The following KLC1 variants were observed in gnomAD, a reference collection of about 807,000 sequenced individuals.
KLC1 encodes the protein kinesin light chain 1, also known as kinesin 2 60/70kDa.
Under a neutral mutation model 84.2 loss-of-function variants are expected in KLC1, and 30 were observed. That is an observed-to-expected ratio of 0.36 (90% CI 0.27 to 0.48). The LOEUF (loss-of-function observed/expected upper bound fraction) is 0.48, where lower values mean the gene tolerates loss of function less well. Ranked by LOEUF, KLC1 falls within the 20% of genes least tolerant of loss-of-function variation. The pLI is 0.99. For missense variants in KLC1, 499 were observed against 805.4 expected (o/e 0.62, Z 4.60); for synonymous variants, 289 against 293.3 (o/e 0.99, Z 0.15).
intron 1 of KLC1, among the ~76,000 whole-genome samples, chr14:103,640,607 G>T (rs1444671515): frequency 6.6e-6 from 1 of 151,706 alleles, no homozygotes; most frequent in Admixed American, 6.6e-5. Flanking sequence ...TGATCTGCCC[G>T]CCTCGGCCTC....
At chr14:103,695,975 G>A in intron 15 of KLC1, 1 of 985,442 alleles carries the variant, frequency 1.0e-6, no homozygotes, top group Non-Finnish European at 1.2e-6. Context: ...TCCCTTCAGA[G>A]GAGAGAAGTG....
At chr14:103,679,758 GCTTAA>G (rs1335505817) in intron 13 of KLC1, 32 of 520,236 alleles carry the variant, frequency 6.2e-5, no homozygotes, top group African/African-American at 6.1e-4. Flanking sequence ...AAGCTGTTTG[GCTTAA>G]CTTTGAGCAC....
Position 103,695,591 on chromosome 14 carries a change from G to C in KLC1, c.1848+3166G>C, listed in dbSNP as rs1254067042. On this transcript the variant is annotated intron_variant, in intron 15 of 16. Coordinates refer to ENST00000334553, the MANE Select transcript of KLC1 (RefSeq NM_001394837.1). ...TTTGGAACCCAGACAGTTTCCCTTA[G>C]TGACAGTTATCTGGAAAGGAAAAAG... 16 of 985,236 alleles carry C rather than the reference G, an allele frequency of 1.6e-5. No homozygotes were observed. The Admixed American group carries it at 9.8e-4, about 61-fold the overall frequency. The allele number at this position is 985,236 out of a possible 1,614,324, so 61.0% of individuals were successfully genotyped here. A position where few individuals can be genotyped will look rare whatever the true frequency, so the allele number is the denominator to read the frequency against.
At chr14:103,636,757 C>G (rs906021379) in intron 1 of KLC1, among the ~76,000 whole-genome samples, 1 of 150,508 alleles carries the variant, frequency 6.6e-6, no homozygotes, top group Non-Finnish European at 1.5e-5. Flanking sequence ...GGAGTCTCCT[C>G]TGTTGCCCAG....
At position 103,701,355 on chromosome 14, in the gene KLC1, C is replaced by G; in HGVS notation, c.*156C>G. Reference sequence around the variant, plus strand: ...TGTGCATAGGACATGATACTAATAACCACACGGCTGGCGTGACCTTGGGGC... The same window carrying G: ...TGTGCATAGGACATGATACTAATAAGCACACGGCTGGCGTGACCTTGGGGC... On this transcript the variant is annotated 3_prime_UTR_variant, in exon 17 of 17. Transcript: ENST00000334553. 1.3e-6 allele frequency: 1 copy of G among 768,490 alleles called. No individual in the cohort carries two copies. The highest frequency in any genetic ancestry group is 2.0e-6 in the Non-Finnish European group (1 of 492,020). 47.6% of individuals were successfully genotyped at this position (768,490 alleles called of 1,614,324 possible).
chr14:103,668,726 G>A (rs964459537), intron 5 of KLC1, among the ~76,000 whole-genome samples: 7 of 151,898 alleles, frequency 4.6e-5, no homozygotes, highest in East Asian at 1.9e-4. Flanking sequence ...TGATCCGCCC[G>A]CCTCAGCCTC....
chr14:103,675,863 C>A (rs2151725476), intron 11 of KLC1, 107 bp downstream of exon 11: 2 of 847,394 alleles, frequency 2.4e-6, no homozygotes, highest in Non-Finnish European at 3.9e-6. Context: ...TCCTTAAGTG[C>A]ACAGTCCCAT....
chr14:103,687,302 G>T (rs2081839709), intron 14 of KLC1, 91 bp downstream of exon 14: 1 of 1,302,254 alleles, frequency 7.7e-7, no homozygotes. Flanking sequence ...CCACAGACTT[G>T]AGGAAAGACA....
chr14:103,676,660 C>T lies in KLC1; in HGVS notation c.1380-755C>T, dbSNP rs151091812. On this transcript the variant is annotated intron_variant, in intron 11 of 16. Coordinates refer to ENST00000334553, the MANE Select transcript of KLC1 (RefSeq NM_001394837.1). ...CTCTCTAGGGCTCCCATAGCACTTA[C>T]CATAGATTACTTGTTTCAGAGACAT... Among the ~76,000 whole-genome samples the T allele has an allele frequency of 9.3e-4, 142 of 152,288 alleles. 1 individual carries two copies. The highest frequency in any genetic ancestry group is 3.4e-3 in the Middle Eastern group (1 of 294).
chr14:103,670,168 C>T lies in KLC1; in HGVS notation c.886-14C>T, dbSNP rs953786059. On this transcript the variant is annotated splice_polypyrimidine_tract_variant and intron_variant, in intron 6 of 16. Coordinates refer to ENST00000334553, the MANE Select transcript of KLC1 (RefSeq NM_001394837.1). ...ATCTTTTACCATTCTTAGTGGTTCT[C>T]TCTGTGTTGACAGGTGGCGGCGACT... The T allele has an allele frequency of 3.1e-6, 5 of 1,595,030 alleles. No homozygotes were observed. The highest frequency in any genetic ancestry group is 4.3e-6 in the Non-Finnish European group (5 of 1,165,468).
At chr14:103,690,511 C>G (rs1351948953) in intron 14 of KLC1, among the ~76,000 whole-genome samples, 1 of 152,216 alleles carries the variant, frequency 6.6e-6, no homozygotes, top group African/African-American at 2.4e-5. Flanking sequence ...GGGTGGGTGC[C>G]CTGGGCTTTC....
chr14:103,693,711 C>T lies in KLC1; in HGVS notation c.1848+1286C>T, dbSNP rs531087814. ...GCCCTGCCCGGAGGCGCCAGCCGCACTCCTTGGCTTCCTTTCCTAGATAGT... is the reference window on the plus strand; with the variant it reads ...GCCCTGCCCGGAGGCGCCAGCCGCATTCCTTGGCTTCCTTTCCTAGATAGT... On this transcript the variant is annotated intron_variant, in intron 15 of 16. Coordinates refer to ENST00000334553, the MANE Select transcript of KLC1 (RefSeq NM_001394837.1). The surrounding 1 kb of genome is among the most constrained non-coding windows in gnomAD (Gnocchi z 5.1). 47 of 1,494,452 alleles carry T rather than the reference C, an allele frequency of 3.1e-5. No homozygotes were observed. Among genetic ancestry groups the T allele is most frequent in the Non-Finnish European group, 4.2e-5 (47 of 1,125,868 alleles). The allele number at this position is 1,494,452 out of a possible 1,614,324, so 92.6% of individuals were successfully genotyped here.
intron 2 of KLC1, among the ~76,000 whole-genome samples, chr14:103,657,302 T>A (rs1567019147): frequency 6.6e-6 from 1 of 152,090 alleles, no homozygotes. Flanking sequence ...TTTGGCATGC[T>A]CTTCAAAAAA....
chr14:103,699,494 A>G (rs2082923957), intron 15 of KLC1: 1 of 1,612,604 alleles, frequency 6.2e-7, no homozygotes, highest in Non-Finnish European at 8.5e-7. Context: ...TGGGGCTGCC[A>G]CCGAGTCGAT....
intron 13 of KLC1, chr14:103,685,302 TCTC>T: frequency 2.3e-6 from 3 of 1,322,824 alleles, no homozygotes; most frequent in Middle Eastern, 3.0e-4. Flanking sequence ...CATTGCATAA[TCTC>T]CTTATATACA....
intron 3 of KLC1, among the ~76,000 whole-genome samples, chr14:103,658,656 C>CT (rs58151718): frequency 0.23 from 25,044 of 107,934 alleles, 4,305 homozygotes; most frequent in East Asian, 0.52. Flanking sequence ...ATTCAGTTAA[C>CT]TTTTTTTTTT....
intron 12 of KLC1, 68 bp downstream of exon 12, chr14:103,677,591 A>C (rs4906357): frequency 0.96 from 823,152 of 855,780 alleles, 396,489 homozygotes; most frequent in East Asian, 0.98. Flanking sequence ...TTTTACATGA[A>C]TTTTATTGAA....
intron 15 of KLC1, chr14:103,695,135 G>C: frequency 1.0e-6 from 1 of 977,166 alleles, no homozygotes; most frequent in Non-Finnish European, 1.2e-6. Flanking sequence ...ATAGTGGATG[G>C]GATTAAAAGA....
At position 103,669,450 on chromosome 14, in the gene KLC1, A is replaced by AAGAAT. The variant is rs373544727; in HGVS notation, c.798-57_798-56insTAGAA. The AAGAAT allele has an allele frequency of 7.7e-6, 8 of 1,037,528 alleles. No individual in the cohort carries two copies. In the African/African-American group the frequency reaches 8.0e-5, roughly 10 times the overall value. The allele number at this position is 1,037,528 out of a possible 1,614,324, so 64.3% of individuals were successfully genotyped here. On this transcript the variant is annotated intron_variant, in intron 5 of 16. Coordinates refer to ENST00000334553, the MANE Select transcript of KLC1 (RefSeq NM_001394837.1). ...CTCTGTCTAAAAAAAAAGAAAAGAAAAGAAAAGAAAAGCTGTAGTGATCTA... is the reference window on the plus strand; with the variant it reads ...CTCTGTCTAAAAAAAAAGAAAAGAAAAGAATAGAAAAGAAAAGCTGTAGTGATCTA...
Sources: gnomAD v4.1 joint callset for allele counts (sites outside exome capture counted in the v4.1 genomes callset) on GRCh38, gnomAD v4.1.1 for gene constraint, Gnocchi (gnomAD v3.1) non-coding constraint, MANE v1.5 for transcripts, NCBI Gene and HGNC (gene_info 2026-07-23, HGNC 2026-07-21) for gene names.